The following CP variants were observed in gnomAD, a reference collection of about 807,000 sequenced individuals.
CP encodes caeruloplasmin.
In CP, 64 loss-of-function variants were observed where a neutral mutation model predicts 122.4. The ratio of observed to expected loss-of-function variants is 0.52; its 90% CI spans 0.43 to 0.64. CP has a LOEUF of 0.64. Ranked by LOEUF, CP falls within the 30% of genes least tolerant of loss-of-function variation. The pLI is 0.00. For missense variants in CP, 1,167 were observed against 1,284.4 expected (o/e 0.91, Z 1.40); for synonymous variants, 440 against 436.4 (o/e 1.01, Z -0.10).
At chr3:149,186,779 T>C in intron 10 of CP, 47 bp from the exon 11 acceptor site, 1 of 1,557,632 alleles carries the variant, frequency 6.4e-7, no homozygotes, top group Non-Finnish European at 8.8e-7. Flanking sequence ...TAGATTCTAC[T>C]ACATGACAAC....
intron 1 of CP, among the ~76,000 whole-genome samples, chr3:149,217,677 A>G (rs1260606211): frequency 2.0e-5 from 3 of 152,222 alleles, no homozygotes; most frequent in Admixed American, 1.3e-4. Context: ...ATCTTTTAAT[A>G]GGGGTAAAAT....
chr3:149,194,003 A>T (rs1228384083), intron 9 of CP, among the ~76,000 whole-genome samples: 1 of 152,200 alleles, frequency 6.6e-6, no homozygotes, highest in Non-Finnish European at 1.5e-5. Context: ...TCTCATTTTA[A>T]ATCTCAACTC....
intron 16 of CP, 42 bp downstream of exon 16, chr3:149,178,373 G>A: frequency 7.1e-7 from 1 of 1,400,390 alleles, no homozygotes; most frequent in Non-Finnish European, 1.0e-6. Context: ...AAGAGAAAAT[G>A]ATAAAAAAGT....
At chr3:149,207,260 A>T in intron 5 of CP, 103 bp downstream of exon 5, 1 of 1,401,424 alleles carries the variant, frequency 7.1e-7, no homozygotes, top group Non-Finnish European at 1.0e-6. Context: ...CTAAGATGCC[A>T]GTTCAAAGCT....
At chr3:149,187,670 A>G (rs956137257) in intron 10 of CP, among the ~76,000 whole-genome samples, 1 of 152,224 alleles carries the variant, frequency 6.6e-6, no homozygotes, top group Non-Finnish European at 1.5e-5. Context: ...AGTAGTTTTC[A>G]AACTGTAGCG....
At position 149,185,352 on chromosome 3, in the gene CP, A is replaced by C; in HGVS notation, c.2172T>G (p.Asp724Glu). 1 of 1,614,084 alleles carries C rather than the reference A, an allele frequency of 6.2e-7. No homozygotes were observed. Among genetic ancestry groups the C allele is most frequent in the Middle Eastern group, 1.6e-4 (1 of 6,062 alleles). The change falls in exon 12 of 19, where the codon GAT (aspartate) becomes GAG (glutamate). Residue 724 changes from aspartate to glutamate, a missense_variant. Asp to Glu is a conservative substitution (Grantham distance 45). Transcript: ENST00000264613. ...TVNQCRRQSE[D>E]STFYLGERTY... ...TCCTCTCTCCCAGGTAGAAGGTGGA[A>C]TCCTCAGACTGCCGCCTGCATTGGT...
intron 5 of CP, chr3:149,163,906 C>A: frequency 6.3e-7 from 1 of 1,579,606 alleles, no homozygotes; most frequent in Non-Finnish European, 8.7e-7. Context: ...TCATCTGATT[C>A]TTTAGCTGAT....
intron 5 of CP, 119 bp downstream of exon 5, chr3:149,207,244 A>T: frequency 8.5e-7 from 1 of 1,171,910 alleles, no homozygotes; most frequent in South Asian, 1.3e-5. Context: ...CATCATAGGG[A>T]TAAAACTAAG....
chr3:149,200,057 G>T, intron 7 of CP, 193 bp from the exon 8 acceptor site: 1 of 599,934 alleles, frequency 1.7e-6, no homozygotes. Context: ...GGAGAGAAGG[G>T]CTTTTTAATT....
chr3:149,219,875 A>G (rs1728698750), intron 1 of CP, among the ~76,000 whole-genome samples: 1 of 147,458 alleles, frequency 6.8e-6, no homozygotes, highest in South Asian at 2.2e-4. Flanking sequence ...AAGGTATGGG[A>G]AAGTTTGCAA....
At chr3:149,204,824 C>A (rs1402725856) in intron 6 of CP, among the ~76,000 whole-genome samples, 3 of 152,010 alleles carry the variant, frequency 2.0e-5, no homozygotes, top group Admixed American at 6.5e-5. Context: ...AAAAGGAAGA[C>A]AAACAGAAAG....
chr3:149,190,331 C>T lies in CP; in HGVS notation c.1714-2129G>A, dbSNP rs374691455. 5.0e-4 allele frequency among the ~76,000 whole-genome samples: 76 copies of T among 152,134 alleles called. 1 individual carries two copies. The South Asian group carries it at 0.015, about 30-fold the overall frequency. Reference sequence around the variant, plus strand: ...ACTTAGAAAGAAGTGCCTGACTGGACTAGTACTCATGGATGAAATAAAATA... The same window carrying T: ...ACTTAGAAAGAAGTGCCTGACTGGATTAGTACTCATGGATGAAATAAAATA... On this transcript the variant is annotated intron_variant, in intron 9 of 18. Coordinates refer to ENST00000264613, the MANE Select transcript of CP (RefSeq NM_000096.4).
chr3:149,167,655 C>T (rs951764696), downstream of CP, among the ~76,000 whole-genome samples: 1 of 152,096 alleles, frequency 6.6e-6, no homozygotes, highest in Non-Finnish European at 1.5e-5. Context: ...TGAAAATAGC[C>T]ATGTACATAT....
At chr3:149,196,010 G>T (rs1311693429) in intron 9 of CP, among the ~76,000 whole-genome samples, 1 of 152,162 alleles carries the variant, frequency 6.6e-6, no homozygotes. Flanking sequence ...ATATCCAGTG[G>T]TGGCAAAACT....
At chr3:149,171,675 C>T (rs1486226759), downstream of CP, among the ~76,000 whole-genome samples, 1 of 147,868 alleles carries the variant, frequency 6.8e-6, no homozygotes, top group Non-Finnish European at 1.5e-5. Context: ...GAAGTTATAA[C>T]ATTTTGTTAC....
intron 1 of CP, among the ~76,000 whole-genome samples, chr3:149,213,224 C>T (rs914443976): frequency 6.6e-6 from 1 of 152,086 alleles, no homozygotes; most frequent in Admixed American, 6.6e-5. Flanking sequence ...TTTCTTTTAA[C>T]AGCACTAAAT....
chr3:149,176,234 C>T lies in CP; in HGVS notation c.3181+16G>A, dbSNP rs1725407174. 6.2e-7 allele frequency: 1 copy of T among 1,610,154 alleles called. No individual in the cohort carries two copies. The highest frequency in any genetic ancestry group is 8.5e-7 in the Non-Finnish European group (1 of 1,178,320). Reference sequence around the variant, plus strand: ...CTTTTATATATGGCTTCTAGAATTACTACCTGGATATTCACCTTCATTTTG... The same window carrying T: ...CTTTTATATATGGCTTCTAGAATTATTACCTGGATATTCACCTTCATTTTG... On this transcript the variant is annotated intron_variant, in intron 18 of 18. Transcript: ENST00000264613.
chr3:149,190,453 G>T (rs1726468411), intron 9 of CP, among the ~76,000 whole-genome samples: 1 of 151,904 alleles, frequency 6.6e-6, no homozygotes, highest in Non-Finnish European at 1.5e-5. Context: ...AGGCCAGAAG[G>T]TTGCAACCAG....
At chr3:149,220,369 C>T (rs1728726125) in intron 1 of CP, among the ~76,000 whole-genome samples, 1 of 151,760 alleles carries the variant, frequency 6.6e-6, no homozygotes, top group African/African-American at 2.4e-5. Flanking sequence ...AAATAAAAAC[C>T]ACATATAATT....
Sources: gnomAD v4.1 joint callset for allele counts (sites outside exome capture counted in the v4.1 genomes callset) on GRCh38, gnomAD v4.1.1 for gene constraint, MANE v1.5 for transcripts, NCBI Gene and HGNC (gene_info 2026-07-23, HGNC 2026-07-21) for gene names.